RCL1: variants seen among roughly 807,000 people sequenced by gnomAD.
The protein encoded by RCL1 is RNA terminal phosphate cyclase like 1, also known as RNA 3'-terminal phosphate cyclase-like protein.
A neutral mutation model predicts 42.4 loss-of-function variants in RCL1; 24 were observed. The ratio of observed to expected loss-of-function variants is 0.57; its 90% CI spans 0.41 to 0.80. The LOEUF (loss-of-function observed/expected upper bound fraction) is 0.80. RCL1 is among the 30% of genes least tolerant of loss of function. RCL1 has a pLI of 0.00. For missense variants in RCL1, 578 were observed against 467.9 expected (o/e 1.24, Z -2.17); for synonymous variants, 228 against 177.3 (o/e 1.29, Z -2.27).
chr9:4,857,485 A>G (rs997639678), intron 8 of RCL1, among the ~76,000 whole-genome samples: 1 of 151,914 alleles, frequency 6.6e-6, no homozygotes, highest in Non-Finnish European at 1.5e-5. Flanking sequence ...CATTGAATGG[A>G]TATACCACAT....
At chr9:4,813,280 C>T (rs1465739870) in intron 1 of RCL1, among the ~76,000 whole-genome samples, 1 of 152,178 alleles carries the variant, frequency 6.6e-6, no homozygotes, top group Non-Finnish European at 1.5e-5. Flanking sequence ...TTTTTGCAAT[C>T]TACCCATCTG....
chr9:4,828,657 C>T (rs1012846910), intron 3 of RCL1, among the ~76,000 whole-genome samples: 3 of 150,436 alleles, frequency 2.0e-5, no homozygotes, highest in African/African-American at 4.9e-5. Context: ...GTGCCTCAAA[C>T]AGTGGGAAAA....
intron 1 of RCL1, 103 bp downstream of exon 1, chr9:4,793,330 C>G (rs1842861877): frequency 8.0e-7 from 1 of 1,243,038 alleles, no homozygotes; most frequent in Middle Eastern, 2.6e-4. Flanking sequence ...GCTCGGCGTC[C>G]GGCGAGCGCG....
At chr9:4,811,456 C>G (rs1463699372) in intron 1 of RCL1, among the ~76,000 whole-genome samples, 1 of 152,102 alleles carries the variant, frequency 6.6e-6, no homozygotes, top group Non-Finnish European at 1.5e-5. Context: ...CTAGTAACCA[C>G]TATTCTATCC....
intron 5 of RCL1, among the ~76,000 whole-genome samples, chr9:4,835,004 A>T (rs1387755363): frequency 6.6e-6 from 1 of 152,236 alleles, no homozygotes; most frequent in Non-Finnish European, 1.5e-5. Context: ...TGAAGAACAG[A>T]GGATTGCAAA....
chr9:4,801,389 C>T (rs1480678537), intron 1 of RCL1, among the ~76,000 whole-genome samples: 2 of 152,132 alleles, frequency 1.3e-5, no homozygotes, highest in African/African-American at 2.4e-5. Flanking sequence ...CCAGGCTGGT[C>T]TTGAATTTGT....
intron 5 of RCL1, among the ~76,000 whole-genome samples, chr9:4,837,318 T>C (rs1817172723): frequency 6.6e-6 from 1 of 152,206 alleles, no homozygotes; most frequent in South Asian, 2.1e-4. Context: ...GTTAATGGCT[T>C]TAACCACAAC....
intron 8 of RCL1, among the ~76,000 whole-genome samples, chr9:4,853,755 C>G (rs888704420): frequency 6.6e-6 from 1 of 152,076 alleles, no homozygotes; most frequent in Admixed American, 6.6e-5. Flanking sequence ...AAAATGATCT[C>G]TTTCTATCTT....
chr9:4,853,600 C>T (rs1342786276), intron 8 of RCL1, among the ~76,000 whole-genome samples: 1 of 152,078 alleles, frequency 6.6e-6, no homozygotes, highest in Non-Finnish European at 1.5e-5. Context: ...GGATTACAGA[C>T]GTGAGCCACC....
intron 3 of RCL1, chr9:4,827,321 T>C (rs368420245): frequency 1.1e-5 from 13 of 1,179,948 alleles, no homozygotes; most frequent in Middle Eastern, 2.9e-4. Context: ...TGAACTATAG[T>C]TCTGCTGGCT....
intron 3 of RCL1, 118 bp downstream of exon 3, chr9:4,827,151 T>C (rs747487790): frequency 1.7e-5 from 26 of 1,555,446 alleles, no homozygotes; most frequent in Non-Finnish European, 2.3e-5. Flanking sequence ...ATTGCTTTTG[T>C]TATTTACTTT....
chr9:4,812,635 G>T (rs1324920590), intron 1 of RCL1, among the ~76,000 whole-genome samples: 1 of 151,906 alleles, frequency 6.6e-6, no homozygotes, highest in African/African-American at 2.4e-5. Context: ...TCTTTTGCGG[G>T]TCCATATGAA....
chr9:4,802,074 A>ATTTT (rs34756856), intron 1 of RCL1, among the ~76,000 whole-genome samples: 10 of 95,452 alleles, frequency 1.0e-4, no homozygotes, highest in Non-Finnish European at 1.7e-4. Context: ...ACGCCTGGCT[A>ATTTT]TTTTTTTTTT....
chr9:4,810,677 A>C (rs1159524835), intron 1 of RCL1, among the ~76,000 whole-genome samples: 1 of 152,198 alleles, frequency 6.6e-6, no homozygotes, highest in East Asian at 1.9e-4. Context: ...TCTTGCCTGA[A>C]TGCTGGATCG....
Position 4,827,008 on chromosome 9 carries a change from T to G in RCL1, c.359T>G (p.Val120Gly). Residue 120 changes from valine (V) to glycine (G), a missense_variant, in exon 3 of 9, where the codon GTG becomes GGG. Coordinates refer to ENST00000381750, the MANE Select transcript of RCL1 (RefSeq NM_005772.5). Reference sequence around the variant, plus strand: ...CCGTTAAAAATAGTTCTACGAGGAGTGACCAATGATCAGGTTGACCCTTCA... The same window carrying G: ...CCGTTAAAAATAGTTCTACGAGGAGGGACCAATGATCAGGTTGACCCTTCA... ...KHPLKIVLRG[V>G]TNDQVDPSVD... The G allele has an allele frequency of 6.2e-7, 1 of 1,614,100 alleles. No homozygotes were observed. The highest frequency in any genetic ancestry group is 8.5e-7 in the Non-Finnish European group (1 of 1,180,016).
At chr9:4,850,492 T>TG in intron 8 of RCL1, 1 of 191,976 alleles carries the variant, frequency 5.2e-6, no homozygotes, top group Non-Finnish European at 1.1e-5. Flanking sequence ...CTTTTTTTTT[T>TG]CTTTTTTTTT....
intron 1 of RCL1, among the ~76,000 whole-genome samples, chr9:4,808,030 G>T (rs1021205862): frequency 1.4e-4 from 21 of 151,984 alleles, no homozygotes; most frequent in African/African-American, 4.6e-4. Context: ...TTCTTCTCTT[G>T]TTGGGTGGAG....
At chr9:4,799,249 C>T (rs1454306108) in intron 1 of RCL1, among the ~76,000 whole-genome samples, 1 of 151,966 alleles carries the variant, frequency 6.6e-6, no homozygotes, top group African/African-American at 2.4e-5. Context: ...GCTGAGATTA[C>T]AGGCAAGAGC....
intron 1 of RCL1, among the ~76,000 whole-genome samples, chr9:4,805,993 A>G (rs1158053197): frequency 6.7e-6 from 1 of 149,588 alleles, no homozygotes; most frequent in East Asian, 2.0e-4. Flanking sequence ...TGTGTTGATT[A>G]TTAGTATATA....
Sources: allele counts gnomAD v4.1 joint callset (sites outside exome capture counted in the v4.1 genomes callset), GRCh38; gene constraint gnomAD v4.1.1; transcripts MANE v1.5; gene names NCBI Gene and HGNC (gene_info 2026-07-23, HGNC 2026-07-21).